PIP5K1B: variants seen among roughly 807,000 people sequenced by gnomAD.
The protein encoded by PIP5K1B is phosphatidylinositol-4-phosphate 5-kinase type 1 beta, also known as phosphatidylinositol 4-phosphate 5-kinase type-1 beta.
Under a neutral mutation model 67.0 loss-of-function variants are expected in PIP5K1B, and 42 were observed. The observed-to-expected ratio is 0.63, with a 90% CI of 0.49 to 0.81. The LOEUF is 0.81. PIP5K1B is among the 30% of genes least tolerant of loss of function. PIP5K1B has a pLI of 0.00. For missense variants in PIP5K1B, 459 were observed against 646.3 expected, an observed-to-expected ratio of 0.71 and a Z score of 3.14; for synonymous variants, 214 against 231.4, an observed-to-expected ratio of 0.92 and a Z score of 0.68.
chr9:68,867,558 G>A (rs1215673288), intron 5 of PIP5K1B, among the ~76,000 whole-genome samples: 1 of 152,198 alleles, frequency 6.6e-6, no homozygotes, highest in African/African-American at 2.4e-5. Context: ...GGCCCTGCCA[G>A]TAATATCTCC....
At chr9:68,714,882 C>T (rs574780305) in intron 1 of PIP5K1B, among the ~76,000 whole-genome samples, 5 of 152,312 alleles carry the variant, frequency 3.3e-5, no homozygotes, top group African/African-American at 1.2e-4. Context: ...AAGGTGCACT[C>T]CACTCACTCC....
chr9:68,913,587 AT>A (rs994716495), intron 8 of PIP5K1B, among the ~76,000 whole-genome samples: 34 of 152,242 alleles, frequency 2.2e-4, no homozygotes, highest in African/African-American at 7.2e-4. Context: ...TTGTTTTAAA[AT>A]ATATGCATAT....
chr9:68,937,737 C>T (rs578068905), intron 13 of PIP5K1B, among the ~76,000 whole-genome samples: 63 of 152,230 alleles, frequency 4.1e-4, no homozygotes, highest in African/African-American at 1.4e-3. Context: ...CTCTTGTGGG[C>T]ATTTAGTGCT....
At chr9:68,885,223 A>T (rs1824407298) in intron 6 of PIP5K1B, among the ~76,000 whole-genome samples, 1 of 152,234 alleles carries the variant, frequency 6.6e-6, no homozygotes, top group Admixed American at 6.5e-5. Flanking sequence ...GATAAATATC[A>T]CATGATCTCA....
At chr9:68,914,670 G>T (rs1826012769) in intron 8 of PIP5K1B, among the ~76,000 whole-genome samples, 1 of 152,032 alleles carries the variant, frequency 6.6e-6, no homozygotes, top group African/African-American at 2.4e-5. Flanking sequence ...AGCCGAGATT[G>T]CACCACTGCA....
At chr9:68,734,265 A>G (rs1828614809) in intron 1 of PIP5K1B, among the ~76,000 whole-genome samples, 1 of 152,232 alleles carries the variant, frequency 6.6e-6, no homozygotes, top group Non-Finnish European at 1.5e-5. Context: ...AGAGTTTACT[A>G]CAGTGTTGTT....
chr9:68,928,600 T>C (rs7853501), intron 12 of PIP5K1B, among the ~76,000 whole-genome samples: 93,744 of 152,046 alleles, frequency 0.62, 32,931 homozygotes, highest in Non-Finnish European at 0.77. Context: ...TTTTCACAGG[T>C]AGTTAACTAT....
intron 2 of PIP5K1B, among the ~76,000 whole-genome samples, chr9:68,775,306 C>T (rs1483299776): frequency 6.6e-6 from 1 of 152,182 alleles, no homozygotes; most frequent in African/African-American, 2.4e-5. Context: ...AGGATTTGTT[C>T]TTACCACAGA....
chr9:68,789,379 G>T, intron 2 of PIP5K1B: 2 of 399,380 alleles, frequency 5.0e-6, no homozygotes, highest in South Asian at 2.1e-5. Flanking sequence ...CACTAATTCT[G>T]AACAGACTCC....
chr9:68,897,981 C>T (rs1407653404), intron 8 of PIP5K1B, among the ~76,000 whole-genome samples: 1 of 152,180 alleles, frequency 6.6e-6, no homozygotes, highest in Non-Finnish European at 1.5e-5. Flanking sequence ...CTGAAAAGAC[C>T]TGAACAGCCT....
At chr9:68,813,537 G>A (rs1204444525) in intron 2 of PIP5K1B, among the ~76,000 whole-genome samples, 10 of 152,302 alleles carry the variant, frequency 6.6e-5, no homozygotes, top group Admixed American at 3.3e-4. Context: ...ATTAACACCC[G>A]TGTATTATGT....
At chr9:68,987,211 C>G (rs1018081117) in intron 14 of PIP5K1B, among the ~76,000 whole-genome samples, 5 of 152,086 alleles carry the variant, frequency 3.3e-5, no homozygotes, top group Non-Finnish European at 7.4e-5. Context: ...GAGATCTCAC[C>G]ATTGCACTCC....
At chr9:68,869,650 C>T (rs1823534478) in intron 5 of PIP5K1B, among the ~76,000 whole-genome samples, 1 of 152,166 alleles carries the variant, frequency 6.6e-6, no homozygotes, top group South Asian at 2.1e-4. Context: ...GTATGGCCCA[C>T]AGAGCTCGAA....
chr9:68,967,449 T>C (rs1161365139), intron 14 of PIP5K1B, among the ~76,000 whole-genome samples: 2 of 152,260 alleles, frequency 1.3e-5, no homozygotes, highest in South Asian at 4.1e-4. Context: ...AGTTCTCTGC[T>C]TACAAGCAAG....
At chr9:68,963,536 C>T (rs1236709319) in intron 14 of PIP5K1B, among the ~76,000 whole-genome samples, 1 of 151,812 alleles carries the variant, frequency 6.6e-6, no homozygotes, top group East Asian at 1.9e-4. Flanking sequence ...AAGAAAGGAA[C>T]CATTCTAAGC....
chr9:68,749,786 C>G (rs938870942), intron 2 of PIP5K1B, among the ~76,000 whole-genome samples: 7 of 152,164 alleles, frequency 4.6e-5, no homozygotes, highest in Admixed American at 3.9e-4. Context: ...GCATTCCTAT[C>G]CACTAGATGC....
intron 2 of PIP5K1B, among the ~76,000 whole-genome samples, chr9:68,804,299 G>A (rs1288604617): frequency 6.6e-6 from 1 of 152,172 alleles, no homozygotes; most frequent in Admixed American, 6.5e-5. Flanking sequence ...ACAGGTATGT[G>A]TTGTGGGGAG....
rs181458419 is a variant in PIP5K1B at position 68,741,939 on chromosome 9, T to A, written c.-242-562T>A. ...ATCATGGCCCTACTCATAAGAAGTT[T>A]ATGTCTCCTCACTTCTATATGAGTT... is the stretch of plus-strand genomic sequence containing the variant. On this transcript the variant is annotated intron_variant, in intron 1 of 15. Coordinates refer to ENST00000265382, the MANE Select transcript of PIP5K1B (RefSeq NM_003558.4). Among the ~76,000 whole-genome samples the A allele has an allele frequency of 3.3e-3, 509 of 152,334 alleles. 1 individual carries two copies. Among genetic ancestry groups the A allele is most frequent in the Non-Finnish European group, 5.0e-3 (339 of 68,030 alleles).
chr9:68,955,673 C>T (rs1035806282), intron 14 of PIP5K1B, among the ~76,000 whole-genome samples: 9 of 152,244 alleles, frequency 5.9e-5, no homozygotes, highest in Middle Eastern at 3.4e-3. Context: ...TGAGAGCTGG[C>T]CTCGGGTTAA....
Sources: gnomAD v4.1 joint callset for allele counts (sites outside exome capture counted in the v4.1 genomes callset) on GRCh38, gnomAD v4.1.1 for gene constraint, MANE v1.5 for transcripts, NCBI Gene and HGNC (gene_info 2026-07-23, HGNC 2026-07-21) for gene names.